CAST: variants seen among roughly 807,000 people sequenced by gnomAD.
CAST encodes the protein MIR583 host.
In CAST, 76 loss-of-function variants were observed where a neutral mutation model predicts 119.6. That is an observed-to-expected ratio of 0.64 (90% CI 0.53 to 0.77). CAST has a LOEUF of 0.77. Ranked by LOEUF, CAST falls within the 30% of genes least tolerant of loss-of-function variation. The pLI, the probability that CAST is intolerant of heterozygous loss-of-function variation, is 0.00. For missense variants in CAST, 953 were observed against 946.5 expected (o/e 1.01, Z -0.09); for synonymous variants, 319 against 331.6 (o/e 0.96, Z 0.41).
At chr5:96,670,939 G>C (rs1749987527) in intron 1 of CAST, among the ~76,000 whole-genome samples, 1 of 152,232 alleles carries the variant, frequency 6.6e-6, no homozygotes, top group Non-Finnish European at 1.5e-5. Flanking sequence ...AGCTGGGTGA[G>C]AGCTCAGGCT....
the CAST span, chr5:95,961,751 G>A: frequency 6.4e-7 from 1 of 1,571,108 alleles, no homozygotes. Context: ...CGCCGCCGCC[G>A]CCGCTCCGGC....
At chr5:96,375,908 T>TAAATATATAAATATAAATATATATAA in the CAST span, among the ~76,000 whole-genome samples, 28 of 146,972 alleles carry the variant, frequency 1.9e-4, no homozygotes, top group African/African-American at 6.7e-4. Context: ...TCTATATATA[T>TAAATATATAAATATAAATATATATAA]ATATAAATAT....
the CAST span, among the ~76,000 whole-genome samples, chr5:96,105,825 T>C: frequency 1.3e-5 from 2 of 152,360 alleles, no homozygotes; most frequent in Non-Finnish European, 1.5e-5. Flanking sequence ...AGTTCCTCCT[T>C]GTACCTCTGG....
Position 96,662,969 on chromosome 5 carries a change from G to A in CAST, c.75+472G>A, listed in dbSNP as rs1028644680. ...GCGAGGAGGGGCGGGGCCTGCGCCGGGCCCCACCCCCAGGGTTCTGCCCAC... is the reference window on the plus strand; with the variant it reads ...GCGAGGAGGGGCGGGGCCTGCGCCGAGCCCCACCCCCAGGGTTCTGCCCAC... On this transcript the variant is annotated intron_variant, in intron 1 of 31. Transcript: ENST00000675179. 5.0e-6 allele frequency: 3 copies of A among 603,408 alleles called. No homozygotes were observed. The African/African-American group carries it at 5.7e-5, about 12-fold the overall frequency. 37.4% of individuals were successfully genotyped at this position (603,408 alleles called of 1,614,324 possible). A position where few individuals can be genotyped will look rare whatever the true frequency, so the allele number is the denominator to read the frequency against.
chr5:96,753,193 A>G (rs1389311303), intron 20 of CAST, among the ~76,000 whole-genome samples: 1 of 151,904 alleles, frequency 6.6e-6, no homozygotes, highest in African/African-American at 2.4e-5. Context: ...ATGGGATCTC[A>G]CTGTGTTGCC....
the CAST span, among the ~76,000 whole-genome samples, chr5:96,154,073 C>T: frequency 2.6e-3 from 393 of 151,972 alleles, 1 homozygote; most frequent in Non-Finnish European, 3.8e-3. Flanking sequence ...GTCAGGAGAT[C>T]GAGACCATCC....
the CAST span, among the ~76,000 whole-genome samples, chr5:96,333,580 G>A: frequency 6.6e-6 from 1 of 152,128 alleles, no homozygotes; most frequent in African/African-American, 2.4e-5. Flanking sequence ...GTGGGGCCAG[G>A]GACCAGGTCC....
chr5:96,036,631 C>T, the CAST span, among the ~76,000 whole-genome samples: 1 of 152,130 alleles, frequency 6.6e-6, no homozygotes, highest in Non-Finnish European at 1.5e-5. Flanking sequence ...TAATTGATAA[C>T]TGTTTTCAAG....
chr5:96,274,687 TA>T, the CAST span, among the ~76,000 whole-genome samples: 12 of 152,206 alleles, frequency 7.9e-5, no homozygotes, highest in Non-Finnish European at 1.5e-4. Context: ...GATAACTGAT[TA>T]ATTATTCTCT....
At chr5:96,503,950 C>T in the CAST span, among the ~76,000 whole-genome samples, 1 of 152,162 alleles carries the variant, frequency 6.6e-6, no homozygotes, top group East Asian at 1.9e-4. Flanking sequence ...ATCTTGTAGC[C>T]AATATGCCTC....
the CAST span, among the ~76,000 whole-genome samples, chr5:95,991,242 A>G: frequency 6.6e-6 from 1 of 152,174 alleles, no homozygotes; most frequent in South Asian, 2.1e-4. Context: ...TCAATTCCAT[A>G]TAGTCTATTC....
chr5:96,522,640 C>T (rs958111916), upstream of CAST, among the ~76,000 whole-genome samples: 4 of 152,298 alleles, frequency 2.6e-5, no homozygotes, highest in African/African-American at 4.8e-5. Flanking sequence ...TTCTCTAGTG[C>T]TGACCCCCAC....
intron 1 of CAST, among the ~76,000 whole-genome samples, chr5:96,625,276 C>T (rs1278244019): frequency 1.3e-5 from 2 of 152,150 alleles, no homozygotes; most frequent in Admixed American, 6.6e-5. Context: ...CTCTTTCTCT[C>T]TCCCTCTCTC....
At chr5:96,675,782 T>A in intron 2 of CAST, 181 bp downstream of exon 2, 1 of 540,450 alleles carries the variant, frequency 1.9e-6, no homozygotes, top group Non-Finnish European at 3.2e-6. Context: ...ATAAAAAAAA[T>A]TGTTCCTGGG....
chr5:96,617,224 C>T (rs1342871433), intron 1 of CAST, among the ~76,000 whole-genome samples: 1 of 151,600 alleles, frequency 6.6e-6, no homozygotes, highest in African/African-American at 2.4e-5. Flanking sequence ...GACTCTTGCC[C>T]TATAAAAGAG....
the CAST span, among the ~76,000 whole-genome samples, chr5:96,440,419 A>G: frequency 1.3e-5 from 2 of 152,164 alleles, no homozygotes; most frequent in Non-Finnish European, 2.9e-5. Context: ...TCACAGCAAG[A>G]GAGAGAGGCT....
intron 25 of CAST, among the ~76,000 whole-genome samples, chr5:96,763,452 G>A (rs929731732): frequency 9.9e-5 from 15 of 152,168 alleles, no homozygotes; most frequent in African/African-American, 3.6e-4. Context: ...CTAGGCTGCC[G>A]TTTACACTTC....
At chr5:96,680,216 G>T (rs748649856) in intron 2 of CAST, among the ~76,000 whole-genome samples, 1 of 151,188 alleles carries the variant, frequency 6.6e-6, no homozygotes, top group East Asian at 1.9e-4. Context: ...AGGCGTGGTC[G>T]TGGGTGTGGG....
chr5:96,326,694 C>CTTTT, the CAST span, among the ~76,000 whole-genome samples: 4 of 74,166 alleles, frequency 5.4e-5, no homozygotes, highest in African/African-American at 9.7e-5. Context: ...TATGGCTTTT[C>CTTTT]ATTTTTTTTT....
Sources: allele counts gnomAD v4.1 joint callset (sites outside exome capture counted in the v4.1 genomes callset), GRCh38; gene constraint gnomAD v4.1.1; transcripts MANE v1.5; gene names NCBI Gene and HGNC (gene_info 2026-07-23, HGNC 2026-07-21).